CYTH3: variants seen among roughly 807,000 people sequenced by gnomAD.
The protein encoded by CYTH3 is cytohesin-3.
CYTH3 carries 23 observed loss-of-function variants against 55.1 expected under a neutral mutation model. The ratio of observed to expected loss-of-function variants is 0.42; its 90% CI spans 0.30 to 0.59. The LOEUF is 0.59. CYTH3 is among the 20% of genes least tolerant of loss of function. The probability of loss-of-function intolerance (pLI) is 0.20; values close to 1 mark genes in which losing one functional copy is unlikely to be tolerated. For synonymous variants in CYTH3, 249 were observed against 194.9 expected, an observed-to-expected ratio of 1.28 and a Z score of -2.31; for missense variants, 413 against 524.8, an observed-to-expected ratio of 0.79 and a Z score of 2.08.
At chr7:6,186,878 T>G (rs1015718609) in intron 4 of CYTH3, among the ~76,000 whole-genome samples, 172 bp downstream of exon 4, 1 of 152,244 alleles carries the variant, frequency 6.6e-6, no homozygotes, top group Admixed American at 6.5e-5. Flanking sequence ...AAGGCACTTC[T>G]GCTTCACCCC....
At chr7:6,258,678 G>C (rs955430801) in intron 1 of CYTH3, among the ~76,000 whole-genome samples, 2 of 152,170 alleles carry the variant, frequency 1.3e-5, no homozygotes, top group African/African-American at 4.8e-5. Context: ...ACAGGCAACA[G>C]AGAAATAAAC....
chr7:6,272,410 G>GGGGGGGGGGGCCCCCCCCCCCC, intron 1 of CYTH3, 64 bp downstream of exon 1: 2 of 1,216,618 alleles, frequency 1.6e-6, no homozygotes, highest in Non-Finnish European at 2.1e-6. Context: ...CCGCGCCCTC[G>GGGGGGGGGGGCCCCCCCCCCCC]ACCCCCAGCC....
intron 1 of CYTH3, among the ~76,000 whole-genome samples, chr7:6,237,358 C>G (rs985195977): frequency 6.6e-6 from 1 of 152,150 alleles, no homozygotes; most frequent in African/African-American, 2.4e-5. Context: ...ACTACACTGA[C>G]GAAATTAGTT....
intron 1 of CYTH3, among the ~76,000 whole-genome samples, chr7:6,212,103 C>T (rs1242322734): frequency 6.6e-6 from 1 of 151,956 alleles, no homozygotes; most frequent in Non-Finnish European, 1.5e-5. Context: ...CTCTGGTAAC[C>T]ATCCTTCTAC....
chr7:6,260,192 T>C (rs531999680), intron 1 of CYTH3, among the ~76,000 whole-genome samples: 14 of 152,114 alleles, frequency 9.2e-5, no homozygotes, highest in Non-Finnish European at 2.1e-4. Flanking sequence ...TAAAATTTCA[T>C]TTCATTTCAA....
chr7:6,174,217 C>T (rs1421417591), intron 5 of CYTH3, among the ~76,000 whole-genome samples: 3 of 151,908 alleles, frequency 2.0e-5, no homozygotes, highest in East Asian at 1.9e-4. Flanking sequence ...GGGTTCGAAG[C>T]GACTCTCCTG....
chr7:6,218,865 C>T (rs917705040), intron 1 of CYTH3, among the ~76,000 whole-genome samples: 13 of 152,026 alleles, frequency 8.6e-5, no homozygotes, highest in African/African-American at 1.9e-4. Flanking sequence ...ATTAGCTGGG[C>T]GTGGTGGCGC....
At chr7:6,195,902 CATCAAAG>C (rs1783912369) in intron 1 of CYTH3, among the ~76,000 whole-genome samples, 1 of 152,164 alleles carries the variant, frequency 6.6e-6, no homozygotes, top group Non-Finnish European at 1.5e-5. Context: ...CCAAGGTGCT[CATCAAAG>C]TCCACGTAGA....
chr7:6,190,451 C>G lies in CYTH3; in HGVS notation c.115G>C (p.Glu39Gln). The change falls in exon 2 of 13, where the codon GAG (glutamate) becomes CAG (glutamine). Residue 39 changes from glutamate (E) to glutamine (Q), a missense_variant and splice_region_variant. Transcript: ENST00000350796. The part of the protein sequence containing the change: ...RRKKELIDDI[E>Q]RLKYEIAEVM... ...TGGTTTTTTTTTTTTTTTTTTACCTCAATGTCATCAATAAGTTCCTTTTTT... is the reference window on the plus strand; with the variant it reads ...TGGTTTTTTTTTTTTTTTTTTACCTGAATGTCATCAATAAGTTCCTTTTTT... 8.4e-7 allele frequency: 1 copy of G among 1,189,318 alleles called. No homozygotes were observed. The highest frequency in any genetic ancestry group is 1.1e-6 in the Non-Finnish European group (1 of 904,716). The allele number at this position is 1,189,318 out of a possible 1,614,324, so 73.7% of individuals were successfully genotyped here.
At chr7:6,172,785 C>A in intron 6 of CYTH3, 1 of 1,279,038 alleles carries the variant, frequency 7.8e-7, no homozygotes, top group South Asian at 1.3e-5. Flanking sequence ...TCTGATAAGC[C>A]TGAACTGCGG....
chr7:6,245,057 G>A (rs575986718), intron 1 of CYTH3, among the ~76,000 whole-genome samples: 37 of 132,280 alleles, frequency 2.8e-4, no homozygotes, highest in African/African-American at 9.8e-4. Flanking sequence ...CTGACCTCAT[G>A]ATCCACCCGC....
intron 1 of CYTH3, among the ~76,000 whole-genome samples, chr7:6,259,116 T>C (rs992343751): frequency 1.3e-5 from 2 of 152,232 alleles, no homozygotes; most frequent in African/African-American, 4.8e-5. Context: ...GAATATTATA[T>C]GTTCTCATGA....
chr7:6,200,643 C>A (rs930414655), intron 1 of CYTH3, among the ~76,000 whole-genome samples: 7 of 152,218 alleles, frequency 4.6e-5, no homozygotes, highest in African/African-American at 1.4e-4. Context: ...ACTGGCAAAG[C>A]ATGGGCTTTG....
chr7:6,179,332 T>C (rs1303412508), intron 4 of CYTH3, among the ~76,000 whole-genome samples: 2 of 152,158 alleles, frequency 1.3e-5, no homozygotes, highest in Admixed American at 1.3e-4. Flanking sequence ...AAGGACTGGT[T>C]ACCCTGGGGA....
intron 1 of CYTH3, among the ~76,000 whole-genome samples, chr7:6,201,756 C>T (rs537424402): frequency 2.6e-5 from 4 of 151,936 alleles, no homozygotes; most frequent in African/African-American, 2.4e-5. Flanking sequence ...GGTTCGAAGG[C>T]GGAGCGGATA....
At chr7:6,215,184 C>T (rs963126115) in intron 1 of CYTH3, among the ~76,000 whole-genome samples, 3 of 152,128 alleles carry the variant, frequency 2.0e-5, no homozygotes, top group African/African-American at 7.2e-5. Flanking sequence ...CTGAGTAACA[C>T]CAGAAAGTTC....
intron 1 of CYTH3, among the ~76,000 whole-genome samples, chr7:6,268,167 T>C (rs2115070783): frequency 6.6e-6 from 1 of 152,180 alleles, no homozygotes. Flanking sequence ...TTTGCTCTTG[T>C]AATTTTGTTT....
chr7:6,174,719 T>C (rs927055998), intron 5 of CYTH3, among the ~76,000 whole-genome samples: 2 of 151,914 alleles, frequency 1.3e-5, no homozygotes, highest in Admixed American at 6.6e-5. Flanking sequence ...GGCTAATTTT[T>C]TGTATTTTTA....
chr7:6,227,124 C>T (rs1375359472), intron 1 of CYTH3, among the ~76,000 whole-genome samples: 6 of 151,260 alleles, frequency 4.0e-5, no homozygotes, highest in East Asian at 1.9e-4. Flanking sequence ...ATGGTGTGCC[C>T]GCTCTCTTGA....
Sources: allele counts gnomAD v4.1 joint callset (sites outside exome capture counted in the v4.1 genomes callset), GRCh38; gene constraint gnomAD v4.1.1; transcripts MANE v1.5; gene names NCBI Gene and HGNC (gene_info 2026-07-23, HGNC 2026-07-21).